Variants in VAMP7 observed in about 807,000 individuals in gnomAD.
VAMP7 encodes vesicle-associated membrane protein 7.
A neutral mutation model predicts 29.6 loss-of-function variants in VAMP7; 14 were observed. That is an observed-to-expected ratio of 0.47 (90% CI 0.31 to 0.74). VAMP7 has a LOEUF of 0.74. Among genes scored for constraint, VAMP7 ranks in the 30% least tolerant of loss-of-function variants. VAMP7 has a pLI of 0.05. For synonymous variants in VAMP7, 95 were observed against 88.1 expected (o/e 1.08, Z -0.44); for missense variants, 223 against 262.4 (o/e 0.85, Z 1.04).
chrX:155,884,550 C>T (rs115493374), intron 1 of VAMP7, among the ~76,000 whole-genome samples: 2 of 152,130 alleles, frequency 1.3e-5, no homozygotes, highest in South Asian at 2.1e-4. Context: ...TCATGACTGT[C>T]GTGAATTTAG....
At chrX:155,920,660 G>C (rs2066382023) in intron 6 of VAMP7, among the ~76,000 whole-genome samples, 1 of 152,154 alleles carries the variant, frequency 6.6e-6, no homozygotes, top group African/African-American at 2.4e-5. Context: ...CTTACTAGTT[G>C]TGTGACCTTA....
At chrX:155,930,489 CAAAA>C (rs35835800) in intron 6 of VAMP7, among the ~76,000 whole-genome samples, 3 of 145,014 alleles carry the variant, frequency 2.1e-5, no homozygotes, top group African/African-American at 5.0e-5. Flanking sequence ...CAAAACCAAA[CAAAA>C]AAAAAAAAAA....
At chrX:155,928,677 T>C (rs2066505551) in intron 6 of VAMP7, among the ~76,000 whole-genome samples, 1 of 152,204 alleles carries the variant, frequency 6.6e-6, no homozygotes, top group Admixed American at 6.5e-5. Context: ...ATCACATCTG[T>C]AAAGACCCCT....
intron 3 of VAMP7, among the ~76,000 whole-genome samples, chrX:155,896,256 A>G (rs1281000346): frequency 1.3e-5 from 2 of 152,138 alleles, no homozygotes; most frequent in East Asian, 3.9e-4. Flanking sequence ...CAACTTCTAT[A>G]TTTATTCTAT....
intron 5 of VAMP7, among the ~76,000 whole-genome samples, chrX:155,918,228 T>A (rs1472860991): frequency 6.6e-6 from 1 of 152,086 alleles, no homozygotes; most frequent in Non-Finnish European, 1.5e-5. Flanking sequence ...AGCCAGTGGA[T>A]CTTAGCCTGC....
At chrX:155,928,018 A>G (rs2124374162) in intron 6 of VAMP7, among the ~76,000 whole-genome samples, 1 of 152,190 alleles carries the variant, frequency 6.6e-6, no homozygotes, top group East Asian at 1.9e-4. Flanking sequence ...TCCCAGGCTC[A>G]AGTGATCCTC....
At chrX:155,928,001 C>T (rs1289628376) in intron 6 of VAMP7, among the ~76,000 whole-genome samples, 2 of 152,148 alleles carry the variant, frequency 1.3e-5, no homozygotes, top group Non-Finnish European at 2.9e-5. Flanking sequence ...TTACTGTTGC[C>T]TCCACCTCCC....
chrX:155,896,739 G>A (rs1405931511), intron 3 of VAMP7, among the ~76,000 whole-genome samples: 1 of 151,990 alleles, frequency 6.6e-6, no homozygotes, highest in Non-Finnish European at 1.5e-5. Context: ...TGTCTTATTG[G>A]CTGCATGCTC....
At chrX:155,921,075 G>GT (rs2066389131) in intron 6 of VAMP7, among the ~76,000 whole-genome samples, 1 of 152,080 alleles carries the variant, frequency 6.6e-6, no homozygotes, top group Admixed American at 6.6e-5. Flanking sequence ...GATACTTCCA[G>GT]GCTGTCTCTT....
intron 3 of VAMP7, among the ~76,000 whole-genome samples, chrX:155,896,647 A>G (rs1452763019): frequency 1.3e-5 from 2 of 151,914 alleles, no homozygotes; most frequent in Non-Finnish European, 2.9e-5. Flanking sequence ...TGTCTTCTTG[A>G]GTGTCTTATT....
intron 1 of VAMP7, among the ~76,000 whole-genome samples, chrX:155,887,784 A>G (rs2065881769): frequency 6.6e-6 from 1 of 151,842 alleles, no homozygotes; most frequent in African/African-American, 2.4e-5. Flanking sequence ...ATACAAAAAT[A>G]GCCGGACATG....
At chrX:155,910,049 A>G (rs1165039936) in intron 5 of VAMP7, among the ~76,000 whole-genome samples, 1 of 151,830 alleles carries the variant, frequency 6.6e-6, no homozygotes, top group African/African-American at 2.4e-5. Context: ...TATTCCTTCT[A>G]TCCAACTGTG....
chrX:155,888,332 C>T (rs911211032), intron 1 of VAMP7, among the ~76,000 whole-genome samples: 58 of 152,272 alleles, frequency 3.8e-4, no homozygotes, highest in Admixed American at 8.5e-4. Flanking sequence ...ATACAGATTC[C>T]AGGGCCCTAC....
chrX:155,900,386 A>G, intron 4 of VAMP7, 111 bp from the exon 5 acceptor site: 2 of 811,198 alleles, frequency 2.5e-6, no homozygotes, highest in African/African-American at 1.7e-5. Flanking sequence ...TTATATCAAT[A>G]GAGACATAAT....
At chrX:155,911,690 ATATTT>A (rs1253061877) in intron 5 of VAMP7, among the ~76,000 whole-genome samples, 4 of 151,988 alleles carry the variant, frequency 2.6e-5, no homozygotes, top group African/African-American at 4.8e-5. Flanking sequence ...TTATTCTTCA[ATATTT>A]TATATGTTCA....
intron 5 of VAMP7, among the ~76,000 whole-genome samples, chrX:155,919,182 T>A (rs1453042684): frequency 6.6e-6 from 1 of 152,174 alleles, no homozygotes; most frequent in East Asian, 1.9e-4. Flanking sequence ...TTTCATGGAG[T>A]TCTCCAGTGA....
intron 5 of VAMP7, among the ~76,000 whole-genome samples, chrX:155,915,967 C>T (rs910898348): frequency 1.2e-4 from 19 of 152,104 alleles, no homozygotes; most frequent in African/African-American, 4.6e-4. Context: ...TTAAAGTCTC[C>T]TACTATTATT....
intron 6 of VAMP7, among the ~76,000 whole-genome samples, chrX:155,927,636 C>A (rs2066489505): frequency 1.3e-5 from 2 of 151,426 alleles, no homozygotes; most frequent in Admixed American, 6.6e-5. Flanking sequence ...TGAAGAAGTT[C>A]TTTTATTGTT....
At position 155,894,930 on chromosome X, in the gene VAMP7, T is replaced by C. The variant is rs754175314; in HGVS notation, c.147-693T>C. ...CCACCACGCCTGGCCTTTCGCTCAC[T>C]CTTTACCTTGCCATCTGTTACTTAT... On this transcript the variant is annotated intron_variant, in intron 2 of 7. Coordinates refer to ENST00000286448, the MANE Select transcript of VAMP7 (RefSeq NM_005638.6). Among the ~76,000 whole-genome samples, 504 of 152,236 alleles carry C rather than the reference T, an allele frequency of 3.3e-3. 2 individuals carry two copies. The highest frequency in any genetic ancestry group is 5.9e-3 in the Non-Finnish European group (399 of 68,010).
Sources: gnomAD v4.1 joint callset for allele counts (sites outside exome capture counted in the v4.1 genomes callset) on GRCh38, gnomAD v4.1.1 for gene constraint, MANE v1.5 for transcripts, NCBI Gene and HGNC (gene_info 2026-07-23, HGNC 2026-07-21) for gene names.